The following CD160 variants were observed in gnomAD, a reference collection of about 807,000 sequenced individuals.
The protein encoded by CD160 is CD160 molecule, also known as CD160 antigen.
CD160 carries 11 observed loss-of-function variants against 19.2 expected under a neutral mutation model. The ratio of observed to expected loss-of-function variants is 0.57; its 90% CI spans 0.36 to 0.95. CD160 has a LOEUF of 0.95. Ranked by LOEUF, CD160 falls within the 40% of genes least tolerant of loss-of-function variation. The probability of loss-of-function intolerance (pLI) is 0.01; values close to 1 mark genes in which losing one functional copy is unlikely to be tolerated. For missense variants in CD160, 182 were observed against 213.2 expected (o/e 0.85, Z 0.91); for synonymous variants, 75 against 81.1 (o/e 0.93, Z 0.40).
At position 145,728,590 on chromosome 1, in the gene CD160, G is replaced by A. The variant is rs146946276; in HGVS notation, c.73+190G>A. Among the ~76,000 whole-genome samples, 117 of 136,648 alleles carry A rather than the reference G, an allele frequency of 8.6e-4. 2 individuals carry two copies. In the East Asian group the frequency reaches 0.024, roughly 28 times the overall value. The allele number at this position is 136,648 out of a possible 152,430, so 89.6% of individuals were successfully genotyped here. On this transcript the variant is annotated intron_variant, in intron 3 of 5. Transcript: ENST00000369288. ...GCGATCTCGGCTCACTGCAACCTCC[G>A]CCTCCCATGTTCAAGCAATTCTGCT...
intron 5 of CD160, chr1:145,736,437 C>T: frequency 2.0e-6 from 1 of 490,816 alleles, no homozygotes; most frequent in Non-Finnish European, 3.5e-6. Flanking sequence ...CAGAGGGCTA[C>T]AAGTTGAAGC....
chr1:145,731,685 C>CAAGAA (rs1320416974), intron 4 of CD160, among the ~76,000 whole-genome samples: 2 of 152,010 alleles, frequency 1.3e-5, no homozygotes, highest in Non-Finnish European at 2.9e-5. Context: ...AAATAAAAAA[C>CAAGAA]AAGAAAAGAA....
intron 1 of CD160, among the ~76,000 whole-genome samples, 187 bp from the exon 2 acceptor site, chr1:145,724,614 G>A (rs1228681447): frequency 6.6e-6 from 1 of 152,094 alleles, no homozygotes; most frequent in South Asian, 2.1e-4. Context: ...TTATCAGAAG[G>A]TAATATTGAC....
chr1:145,725,445 A>T (rs1256018041), intron 2 of CD160, among the ~76,000 whole-genome samples: 1 of 152,162 alleles, frequency 6.6e-6, no homozygotes, highest in South Asian at 2.1e-4. Context: ...ACTCTGTCTC[A>T]AAAGAAAATA....
At chr1:145,726,189 G>T (rs1553708367) in intron 2 of CD160, among the ~76,000 whole-genome samples, 1 of 152,116 alleles carries the variant, frequency 6.6e-6, no homozygotes, top group African/African-American at 2.4e-5. Flanking sequence ...ATTCCTCAAG[G>T]ATCTAGAACT....
chr1:145,722,091 G>A (rs186272074), intron 1 of CD160, among the ~76,000 whole-genome samples: 62 of 152,224 alleles, frequency 4.1e-4, no homozygotes, highest in African/African-American at 1.5e-3. Context: ...ATAAATTTTA[G>A]AAAATAATAA....
chr1:145,738,358 T>C (rs140959413), intron 5 of CD160, 128 bp from the exon 6 acceptor site: 35 of 527,994 alleles, frequency 6.6e-5, no homozygotes, highest in African/African-American at 5.6e-4. Flanking sequence ...CCACTTTCCT[T>C]TTCCAATCCC....
intron 2 of CD160, 155 bp from the exon 3 acceptor site, chr1:145,728,101 G>C (rs1657123148): frequency 2.0e-6 from 1 of 506,070 alleles, no homozygotes; most frequent in Non-Finnish European, 3.6e-6. Flanking sequence ...TATCTCACTT[G>C]GTTTACCGCC....
intron 5 of CD160, chr1:145,737,639 T>A (rs587729129): frequency 1.3e-5 from 2 of 151,788 alleles, no homozygotes; most frequent in Non-Finnish European, 2.9e-5. Context: ...GTTAGGCCAC[T>A]GTAACCAGTA....
intron 5 of CD160, chr1:145,736,423 T>A (rs940265064): frequency 1.2e-5 from 7 of 570,830 alleles, no homozygotes; most frequent in Non-Finnish European, 2.1e-5. Flanking sequence ...ACTCACTGCA[T>A]GAACAGAGGG....
intron 5 of CD160, chr1:145,737,704 A>G (rs1049653592): frequency 6.6e-6 from 1 of 151,424 alleles, no homozygotes; most frequent in African/African-American, 2.4e-5. Flanking sequence ...GTCTAGCCAT[A>G]CAACCTACTA....
At chr1:145,735,794 T>G (rs1296693059) in intron 4 of CD160, among the ~76,000 whole-genome samples, 1 of 152,196 alleles carries the variant, frequency 6.6e-6, no homozygotes, top group African/African-American at 2.4e-5. Flanking sequence ...CCCTAGTGTC[T>G]GACACACAGG....
intron 1 of CD160, among the ~76,000 whole-genome samples, chr1:145,720,286 T>G (rs1553707635): frequency 6.6e-6 from 1 of 152,210 alleles, no homozygotes; most frequent in Non-Finnish European, 1.5e-5. Context: ...CTTGTCATAA[T>G]TTGTTCCCTT....
At chr1:145,724,614 G>T (rs1228681447) in intron 1 of CD160, among the ~76,000 whole-genome samples, 187 bp from the exon 2 acceptor site, 1 of 152,094 alleles carries the variant, frequency 6.6e-6, no homozygotes, top group Non-Finnish European at 1.5e-5. Flanking sequence ...TTATCAGAAG[G>T]TAATATTGAC....
At position 145,719,516 on chromosome 1, in the gene CD160, G is replaced by A. The variant is rs1390691357; in HGVS notation, c.-222G>A. 6.6e-6 allele frequency: 1 copy of A among 152,604 alleles called. No individual in the cohort carries two copies. Among genetic ancestry groups the A allele is most frequent in the African/African-American group, 2.4e-5 (1 of 41,504 alleles). The allele number at this position is 152,604 out of a possible 1,614,324, so 9.5% of individuals were successfully genotyped here. ...TGAGGACTGAGAGCCATTTCAACGT[G>A]AGCCCCCAGTCTGAGAACAAGAAAG... On this transcript the variant is annotated 5_prime_UTR_variant, in exon 1 of 6. Transcript: ENST00000369288.
chr1:145,721,524 C>T (rs1289513399), intron 1 of CD160, among the ~76,000 whole-genome samples: 1 of 152,104 alleles, frequency 6.6e-6, no homozygotes, highest in Non-Finnish European at 1.5e-5. Context: ...CTAGGCACCG[C>T]GAAGTCTGGC....
intron 2 of CD160, among the ~76,000 whole-genome samples, chr1:145,727,601 C>T (rs1255753891): frequency 6.6e-6 from 1 of 151,742 alleles, no homozygotes; most frequent in Non-Finnish European, 1.5e-5. Flanking sequence ...GAAAAAAAAG[C>T]CTCATAAAAA....
rs1553709093 is a variant in CD160 at position 145,730,908 on chromosome 1, A to C, written c.238A>C (p.Lys80Gln). The C allele has an allele frequency of 6.2e-7, 1 of 1,613,830 alleles. No homozygotes were observed. Among genetic ancestry groups the C allele is most frequent in the Non-Finnish European group, 8.5e-7 (1 of 1,179,852 alleles). Residue 80 changes from lysine (K) to glutamine (Q), a missense_variant, in exon 4 of 6, where the codon AAA (lysine) becomes CAA (glutamine). Coordinates refer to ENST00000369288, the MANE Select transcript of CD160 (RefSeq NM_007053.4). Reference sequence around the variant, plus strand: ...GACCAGTTTAAAACAGCTGAGACTTAAAAGGGATCCTGGGATAGATGGTGT... The same window carrying C: ...GACCAGTTTAAAACAGCTGAGACTTCAAAGGGATCCTGGGATAGATGGTGT... Reference protein sequence around the residue: ...PETSLKQLRLKRDPGIDGVGE... With the variant: ...PETSLKQLRLQRDPGIDGVGE...
At chr1:145,732,420 T>C (rs1343433095) in intron 4 of CD160, among the ~76,000 whole-genome samples, 1 of 152,042 alleles carries the variant, frequency 6.6e-6, no homozygotes, top group Non-Finnish European at 1.5e-5. Flanking sequence ...CAGTGGCTCA[T>C]GCCAGCACTT....
Sources: gnomAD v4.1 joint callset for allele counts (sites outside exome capture counted in the v4.1 genomes callset) on GRCh38, gnomAD v4.1.1 for gene constraint, MANE v1.5 for transcripts, NCBI Gene and HGNC (gene_info 2026-07-23, HGNC 2026-07-21) for gene names.